PEAK1: variants seen among roughly 807,000 people sequenced by gnomAD.
PEAK1 encodes pseudopodium enriched atypical kinase 1.
Under a neutral mutation model 124.7 loss-of-function variants are expected in PEAK1, and 54 were observed. The ratio of observed to expected loss-of-function variants is 0.43; its 90% CI spans 0.35 to 0.54. The LOEUF (loss-of-function observed/expected upper bound fraction) is 0.54. Ranked by LOEUF, PEAK1 falls within the 20% of genes least tolerant of loss-of-function variation. The pLI is 0.01. For missense variants in PEAK1, 2,046 were observed against 2,134.5 expected, an observed-to-expected ratio of 0.96 and a Z score of 0.82; for synonymous variants, 719 against 760.0, an observed-to-expected ratio of 0.95 and a Z score of 0.89.
chr15:77,318,920 C>G (rs1026728969), intron 2 of PEAK1, among the ~76,000 whole-genome samples: 9 of 151,968 alleles, frequency 5.9e-5, no homozygotes, highest in Non-Finnish European at 1.3e-4. Context: ...TCCTGAACCA[C>G]GAACCACCTA....
chr15:77,256,490 A>G (rs2061141460), intron 5 of PEAK1, among the ~76,000 whole-genome samples: 2 of 152,162 alleles, frequency 1.3e-5, no homozygotes, highest in Admixed American at 6.6e-5. Context: ...TTTTAATCAT[A>G]AAGTAAGGGT....
At chr15:77,165,915 C>T (rs1351157009) in intron 7 of PEAK1, among the ~76,000 whole-genome samples, 1 of 152,124 alleles carries the variant, frequency 6.6e-6, no homozygotes, top group Non-Finnish European at 1.5e-5. Flanking sequence ...TACCATGCAA[C>T]TCTAACGTAA....
chr15:77,304,225 G>A (rs1475742140), intron 2 of PEAK1, among the ~76,000 whole-genome samples: 1 of 152,076 alleles, frequency 6.6e-6, no homozygotes, highest in East Asian at 1.9e-4. Context: ...ATAGCTTGCT[G>A]GGATTTTGAT....
intron 2 of PEAK1, chr15:77,334,070 T>C (rs777468081): frequency 1.3e-6 from 1 of 776,306 alleles, no homozygotes; most frequent in Admixed American, 6.3e-5. Flanking sequence ...ACTCTCTTTA[T>C]GTTATCCTGT....
chr15:77,237,583 T>TA (rs2060180156), intron 6 of PEAK1, among the ~76,000 whole-genome samples: 1 of 152,150 alleles, frequency 6.6e-6, no homozygotes, highest in African/African-American at 2.4e-5. Context: ...TATCTCTACA[T>TA]ATCAATTACA....
intron 2 of PEAK1, among the ~76,000 whole-genome samples, chr15:77,302,192 A>G (rs890522245): frequency 3.9e-5 from 6 of 152,180 alleles, no homozygotes; most frequent in Non-Finnish European, 7.4e-5. Context: ...CTACTCCCCA[A>G]GATCTGAGGA....
At chr15:77,341,621 C>A (rs895118828) in intron 2 of PEAK1, among the ~76,000 whole-genome samples, 4 of 152,196 alleles carry the variant, frequency 2.6e-5, no homozygotes, top group Non-Finnish European at 5.9e-5. Flanking sequence ...CTCCTACTCC[C>A]ACCAGGTCAG....
chr15:77,255,237 T>C lies in PEAK1; in HGVS notation c.-274-2711A>G, dbSNP rs549836798. Reference sequence around the variant, plus strand: ...GCCCAAAATTTAAAAATTGGCCTGATTTTAAACCTATTAATTATTTATTCC... The same window carrying C: ...GCCCAAAATTTAAAAATTGGCCTGACTTTAAACCTATTAATTATTTATTCC... On this transcript the variant is annotated intron_variant, in intron 5 of 9. Transcript: ENST00000682557. 388 of 514,240 alleles carry C rather than the reference T, an allele frequency of 7.5e-4. 1 individual carries two copies. The highest frequency in any genetic ancestry group is 2.6e-3 in the Admixed American group (41 of 15,702). 31.9% of individuals were successfully genotyped at this position (514,240 alleles called of 1,614,324 possible). A position where few individuals can be genotyped will look rare whatever the true frequency, so the allele number is the denominator to read the frequency against.
chr15:77,343,924 T>C (rs2066707529), intron 2 of PEAK1, among the ~76,000 whole-genome samples: 1 of 152,182 alleles, frequency 6.6e-6, no homozygotes, highest in African/African-American at 2.4e-5. Flanking sequence ...GTTGGGTTAG[T>C]TTTCTGTATG....
rs1461906961 is a variant in PEAK1, at chr15:77,148,775, T to C, written c.3331+9728A>G. Among the ~76,000 whole-genome samples, 5 of 151,396 alleles carry C rather than the reference T, an allele frequency of 3.3e-5. No homozygotes were observed. The East Asian group carries it at 9.7e-4, about 29-fold the overall frequency. On this transcript the variant is annotated intron_variant, in intron 8 of 9. Transcript: ENST00000682557. ...CTACAAAAAAAAAAAATTAAAAAAT[T>C]AGCTGATCATGTGGTGCACGCCTGT...
intron 9 of PEAK1, among the ~76,000 whole-genome samples, chr15:77,115,582 G>T (rs1011518649): frequency 9.9e-5 from 15 of 151,676 alleles, no homozygotes; most frequent in African/African-American, 3.6e-4. Context: ...GAGGATCTAA[G>T]AATTTAAAAA....
chr15:77,143,527 G>A (rs908608449), intron 8 of PEAK1, among the ~76,000 whole-genome samples: 15 of 152,224 alleles, frequency 9.9e-5, no homozygotes, highest in African/African-American at 2.4e-4. Context: ...CCTGTTTCTC[G>A]TCGCATTTCC....
intron 2 of PEAK1, among the ~76,000 whole-genome samples, chr15:77,353,421 G>A (rs144448834): frequency 1.3e-3 from 204 of 152,300 alleles, no homozygotes; most frequent in Non-Finnish European, 2.0e-3. Flanking sequence ...TAAAAGATGC[G>A]ACACTGGTTT....
At chr15:77,334,065 C>T in intron 2 of PEAK1, 3 of 767,668 alleles carry the variant, frequency 3.9e-6, no homozygotes, top group Non-Finnish European at 4.7e-6. Context: ...ATTCAACTCT[C>T]TTTATGTTAT....
intron 2 of PEAK1, chr15:77,335,970 A>C (rs1185589379): frequency 1.0e-6 from 1 of 985,310 alleles, no homozygotes; most frequent in Non-Finnish European, 1.2e-6. Context: ...GGTTAGGTAT[A>C]ATGATGGACT....
intron 2 of PEAK1, among the ~76,000 whole-genome samples, chr15:77,307,676 T>C (rs1467709057): frequency 6.6e-6 from 1 of 152,074 alleles, no homozygotes; most frequent in Non-Finnish European, 1.5e-5. Flanking sequence ...CTTTCCTTAT[T>C]TGTGCTTGTA....
intron 5 of PEAK1, among the ~76,000 whole-genome samples, chr15:77,266,118 G>A (rs919626181): frequency 1.3e-5 from 2 of 152,038 alleles, no homozygotes; most frequent in African/African-American, 4.8e-5. Context: ...GGGGAGAGGG[G>A]GGAGGGATAG....
In PEAK1 at chr15:77,133,491, G is replaced by A. The variant is rs2053055947; in HGVS notation, c.3591C>T (p.Ser1197=). 1.9e-6 allele frequency: 3 copies of A among 1,614,098 alleles called. No individual in the cohort carries two copies. The highest frequency in any genetic ancestry group is 2.7e-5 in the African/African-American group (2 of 74,934). ...TYDIDPNWDA[S]SAGSSISYEL... is the part of the protein sequence containing the mutation. Reference sequence around the variant, plus strand: ...CATAGCTGATGGAAGAACCAGCACTGCTGGCATCCCAGTTGGGGTCGATAT... The same window carrying A: ...CATAGCTGATGGAAGAACCAGCACTACTGGCATCCCAGTTGGGGTCGATAT... The change falls in exon 9 of 10, where the codon AGC becomes AGT. Residue 1197 remains serine (S), a synonymous_variant. Coordinates refer to ENST00000682557, the MANE Select transcript of PEAK1 (RefSeq NM_001385026.1). The surrounding 1 kb of genome is among the most constrained non-coding windows in gnomAD (Gnocchi z 4.2).
At chr15:77,353,400 T>C (rs1342473770) in intron 2 of PEAK1, among the ~76,000 whole-genome samples, 1 of 152,124 alleles carries the variant, frequency 6.6e-6, no homozygotes, top group Non-Finnish European at 1.5e-5. Context: ...GATGCTGACA[T>C]AACAAAAACC....
Sources: allele counts gnomAD v4.1 joint callset (sites outside exome capture counted in the v4.1 genomes callset), GRCh38; gene constraint gnomAD v4.1.1; non-coding constraint Gnocchi (gnomAD v3.1); transcripts MANE v1.5; gene names NCBI Gene and HGNC (gene_info 2026-07-23, HGNC 2026-07-21).